The following ARHGAP42 variants were observed in gnomAD, a reference collection of about 807,000 sequenced individuals.
ARHGAP42 encodes Rho GTPase activating protein 42, also known as rho GTPase-activating protein 42.
A neutral mutation model predicts 125.0 loss-of-function variants in ARHGAP42; 63 were observed. The observed-to-expected ratio is 0.50, with a 90% CI of 0.41 to 0.62. ARHGAP42 has a LOEUF of 0.62. Ranked by LOEUF, ARHGAP42 falls within the 20% of genes least tolerant of loss-of-function variation. The pLI is 0.00. For missense variants in ARHGAP42, 766 were observed against 1,024.2 expected, an observed-to-expected ratio of 0.75 and a Z score of 3.44; for synonymous variants, 339 against 351.0, an observed-to-expected ratio of 0.97 and a Z score of 0.38.
intron 1 of ARHGAP42, among the ~76,000 whole-genome samples, chr11:100,690,551 TATAAC>T (rs1196046328): frequency 3.9e-5 from 6 of 152,170 alleles, no homozygotes; most frequent in African/African-American, 1.2e-4. Flanking sequence ...AAATAATACA[TATAAC>T]ATACTTAACA....
At chr11:100,785,507 G>T (rs1423062574) in intron 2 of ARHGAP42, among the ~76,000 whole-genome samples, 1 of 152,188 alleles carries the variant, frequency 6.6e-6, no homozygotes, top group African/African-American at 2.4e-5. Context: ...ACAGAGAAGA[G>T]GTCACTGGAG....
intron 4 of ARHGAP42, among the ~76,000 whole-genome samples, chr11:100,886,275 G>A (rs1297838101): frequency 6.6e-6 from 1 of 152,022 alleles, no homozygotes; most frequent in Admixed American, 6.6e-5. Context: ...GCATTTCATC[G>A]ATTTGTTTGA....
rs1042246990 is a variant in ARHGAP42 at position 100,976,101 on chromosome 11, A to G, written c.1900A>G (p.Ile634Val). The G allele has an allele frequency of 2.2e-5, 34 of 1,548,604 alleles. No individual in the cohort carries two copies. The highest frequency in any genetic ancestry group is 2.5e-5 in the Non-Finnish European group (29 of 1,145,460). ...CCCAGACAGCACACCTATGGGGAGC[A>G]TTGAGTCACTCTCTTCTCATTCCTC... ...SSPDSTPMGS[I>V]ESLSSHSSEQ... is the part of the protein sequence containing the mutation. Residue 634 changes from isoleucine to valine, a missense_variant, in exon 20 of 24, where the codon ATT becomes GTT. By Grantham distance (29) the Ile-to-Val change is conservative (BLOSUM62 3). Around this residue, in one of 3 missense-constraint regions of ARHGAP42, gnomAD observed 308 missense variants for 369.7 expected, o/e 0.83. Coordinates refer to ENST00000298815, the MANE Select transcript of ARHGAP42 (RefSeq NM_152432.4).
chr11:100,833,874 G>T (rs1190216616), intron 3 of ARHGAP42, among the ~76,000 whole-genome samples: 1 of 152,114 alleles, frequency 6.6e-6, no homozygotes, highest in Admixed American at 6.6e-5. Context: ...TGAGTTTGCA[G>T]ACATGTTTTA....
intron 1 of ARHGAP42, among the ~76,000 whole-genome samples, chr11:100,752,447 A>G (rs918068600): frequency 1.3e-5 from 2 of 152,196 alleles, no homozygotes; most frequent in African/African-American, 4.8e-5. Context: ...AAGGCTTGCC[A>G]TCTGGATTCT....
intron 1 of ARHGAP42, among the ~76,000 whole-genome samples, chr11:100,760,059 A>C (rs1321542520): frequency 2.0e-5 from 3 of 152,254 alleles, no homozygotes; most frequent in African/African-American, 7.2e-5. Context: ...GAAATTAACC[A>C]CATGCACCAT....
intron 4 of ARHGAP42, among the ~76,000 whole-genome samples, chr11:100,887,082 C>T (rs1219684538): frequency 6.6e-6 from 1 of 151,978 alleles, no homozygotes; most frequent in Non-Finnish European, 1.5e-5. Context: ...GGTAAGATTC[C>T]AATAGTCCTT....
At chr11:100,985,460 A>C (rs1591341898) in intron 22 of ARHGAP42, among the ~76,000 whole-genome samples, 1 of 152,198 alleles carries the variant, frequency 6.6e-6, no homozygotes, top group East Asian at 1.9e-4. Context: ...TTTATAGGGA[A>C]AAAGTTTATA....
In ARHGAP42 at chr11:100,814,150, A is replaced by T. The variant is rs541526963; in HGVS notation, c.312+18984A>T. Among the ~76,000 whole-genome samples, 10 of 152,056 alleles carry T rather than the reference A, an allele frequency of 6.6e-5. No individual in the cohort carries two copies. The East Asian group carries it at 1.7e-3, about 27-fold the overall frequency. ...AGAGGTTACAGTGAGCAGAGGTCGCACCACTGCACTCCAGCCTGGGCATCA... is the reference window on the plus strand; with the variant it reads ...AGAGGTTACAGTGAGCAGAGGTCGCTCCACTGCACTCCAGCCTGGGCATCA... On this transcript the variant is annotated intron_variant, in intron 3 of 23. Coordinates refer to ENST00000298815, the MANE Select transcript of ARHGAP42 (RefSeq NM_152432.4).
At chr11:100,860,273 C>T (rs922951340) in intron 4 of ARHGAP42, among the ~76,000 whole-genome samples, 9 of 152,010 alleles carry the variant, frequency 5.9e-5, no homozygotes, top group Non-Finnish European at 1.2e-4. Context: ...ATGTCGTATC[C>T]CTTCCCCATT....
intron 4 of ARHGAP42, among the ~76,000 whole-genome samples, chr11:100,909,285 G>A (rs748956719): frequency 7.3e-5 from 11 of 150,144 alleles, no homozygotes; most frequent in African/African-American, 1.7e-4. Flanking sequence ...GGTTTTAGTC[G>A]TACATTCTTT....
intron 3 of ARHGAP42, among the ~76,000 whole-genome samples, chr11:100,851,125 A>G (rs1018139688): frequency 2.6e-5 from 4 of 151,484 alleles, no homozygotes; most frequent in Non-Finnish European, 5.9e-5. Context: ...CAGGTGATCC[A>G]CCCACCTCGG....
intron 12 of ARHGAP42, among the ~76,000 whole-genome samples, chr11:100,953,727 A>T (rs567988870): frequency 2.1e-4 from 32 of 152,338 alleles, no homozygotes; most frequent in African/African-American, 7.7e-4. Context: ...TTTATGAAAA[A>T]ACATCAAATA....
chr11:100,992,156 A>T lies in ARHGAP42; in HGVS notation c.*3355A>T, dbSNP rs1858847034. 1.3e-6 allele frequency: 1 copy of T among 790,094 alleles called. No homozygotes were observed. The highest frequency in any genetic ancestry group is 2.0e-6 in the Non-Finnish European group (1 of 512,614). 48.9% of individuals were successfully genotyped at this position (790,094 alleles called of 1,614,324 possible). On this transcript the variant is annotated 3_prime_UTR_variant, in exon 24 of 24. Coordinates refer to ENST00000298815, the MANE Select transcript of ARHGAP42 (RefSeq NM_152432.4). ...TTTGCCTCAAGCAATTTCAAATTGT[A>T]GTGATACCTTAAATCATGTATTCAG...
chr11:100,815,734 A>T (rs894128732), intron 3 of ARHGAP42, among the ~76,000 whole-genome samples: 6 of 152,164 alleles, frequency 3.9e-5, no homozygotes, highest in Non-Finnish European at 7.4e-5. Flanking sequence ...TCACGTTATT[A>T]TGCTACCAAT....
chr11:100,910,745 C>T (rs1057424647), intron 4 of ARHGAP42, among the ~76,000 whole-genome samples: 3 of 151,686 alleles, frequency 2.0e-5, no homozygotes, highest in Non-Finnish European at 4.4e-5. Flanking sequence ...GCATGCTTCC[C>T]TAGATTATAG....
rs1426513763 is a variant in ARHGAP42 at position 100,905,529 on chromosome 11, G to A, written c.385-7923G>A. Among the ~76,000 whole-genome samples the A allele has an allele frequency of 2.6e-5, 4 of 152,180 alleles. No homozygotes were observed. The East Asian group carries it at 7.7e-4, about 29-fold the overall frequency. ...ATTTTTTAAAAGATCAACGCTCATT[G>A]TCCACATAACAATATAATTATGGTT... is the stretch of plus-strand genomic sequence containing the variant. On this transcript the variant is annotated intron_variant, in intron 4 of 23. Transcript: ENST00000298815.
intron 4 of ARHGAP42, among the ~76,000 whole-genome samples, chr11:100,867,892 G>A (rs1865608669): frequency 6.6e-6 from 1 of 152,148 alleles, no homozygotes; most frequent in African/African-American, 2.4e-5. Flanking sequence ...TGGCCTAATT[G>A]TGTGTCGGGG....
chr11:100,796,253 A>C (rs182833301), intron 3 of ARHGAP42, among the ~76,000 whole-genome samples: 1 of 152,108 alleles, frequency 6.6e-6, no homozygotes, highest in East Asian at 1.9e-4. Context: ...TACTATTAGG[A>C]CTTTTTTGGG....
Sources: gnomAD v4.1 joint callset for allele counts (sites outside exome capture counted in the v4.1 genomes callset) on GRCh38, gnomAD v4.1.1 for gene constraint, gnomAD v4.1.1 regional missense constraint, MANE v1.5 for transcripts, NCBI Gene and HGNC (gene_info 2026-07-23, HGNC 2026-07-21) for gene names.